Variants in RECK observed in about 807,000 individuals in gnomAD.
RECK encodes reversion inducing cysteine rich protein with kazal motifs.
Under a neutral mutation model 115.1 loss-of-function variants are expected in RECK, and 69 were observed. The ratio of observed to expected loss-of-function variants is 0.60; its 90% CI spans 0.49 to 0.73. RECK has a LOEUF of 0.73. Ranked by LOEUF, RECK falls within the 30% of genes least tolerant of loss-of-function variation. The pLI, the probability that RECK is intolerant of heterozygous loss-of-function variation, is 0.00. For missense variants in RECK, 1,047 were observed against 1,203.7 expected, an observed-to-expected ratio of 0.87 and a Z score of 1.93; for synonymous variants, 414 against 419.7, an observed-to-expected ratio of 0.99 and a Z score of 0.17.
At chr9:36,089,221 C>A (rs1481267416) in intron 9 of RECK, among the ~76,000 whole-genome samples, 1 of 152,080 alleles carries the variant, frequency 6.6e-6, no homozygotes, top group Non-Finnish European at 1.5e-5. Context: ...CTGAGTGTTT[C>A]TTTGAATGCC....
chr9:36,039,192 A>G (rs1428753836), intron 1 of RECK, among the ~76,000 whole-genome samples: 4 of 152,212 alleles, frequency 2.6e-5, no homozygotes, highest in Non-Finnish European at 5.9e-5. Flanking sequence ...AGTTTGATCT[A>G]AAAGTGAGAC....
chr9:36,043,181 C>T (rs7864892), intron 1 of RECK, among the ~76,000 whole-genome samples: 3,268 of 142,356 alleles, frequency 0.023, 141 homozygotes, highest in African/African-American at 0.08. Flanking sequence ...CCTGCCACCA[C>T]GCCTGGCTAA....
At chr9:36,105,730 A>G (rs1422084354) in intron 13 of RECK, among the ~76,000 whole-genome samples, 1 of 152,202 alleles carries the variant, frequency 6.6e-6, no homozygotes, top group African/African-American at 2.4e-5. Flanking sequence ...AATAGAATGT[A>G]TAGCTATCTC....
At chr9:36,042,371 TTGC>T (rs1057003849) in intron 1 of RECK, among the ~76,000 whole-genome samples, 1 of 152,112 alleles carries the variant, frequency 6.6e-6, no homozygotes, top group Non-Finnish European at 1.5e-5. Context: ...TTCATACAGG[TTGC>T]TGCAAATGCC....
chr9:36,112,213 C>T (rs1564135410), intron 15 of RECK, 92 bp from the exon 16 acceptor site: 1 of 1,165,396 alleles, frequency 8.6e-7, no homozygotes, highest in South Asian at 1.4e-5. Flanking sequence ...GTGAGACCTT[C>T]ACATGATTGC....
At chr9:36,116,582 C>T (rs1824277069) in intron 16 of RECK, among the ~76,000 whole-genome samples, 1 of 152,224 alleles carries the variant, frequency 6.6e-6, no homozygotes, top group Admixed American at 6.5e-5. Context: ...TCTGTCTGTG[C>T]CTGCTTGGCT....
intron 10 of RECK, among the ~76,000 whole-genome samples, chr9:36,099,606 A>T (rs1049559244): frequency 6.6e-6 from 1 of 151,896 alleles, no homozygotes; most frequent in African/African-American, 2.4e-5. Flanking sequence ...ACACCTCCTG[A>T]GTAGCTGGAA....
chr9:36,119,808 C>T (rs1458061281), intron 18 of RECK, among the ~76,000 whole-genome samples: 3 of 152,098 alleles, frequency 2.0e-5, no homozygotes, highest in Non-Finnish European at 4.4e-5. Flanking sequence ...GAAGGGGAAT[C>T]GGAGGGGCCC....
intron 1 of RECK, among the ~76,000 whole-genome samples, chr9:36,040,634 G>A (rs1820833666): frequency 1.3e-5 from 2 of 151,954 alleles, no homozygotes; most frequent in African/African-American, 4.8e-5. Flanking sequence ...AAAAATTATT[G>A]TAGTGGGGTA....
chr9:36,052,160 A>C (rs1184877463), intron 1 of RECK, 105 bp from the exon 2 acceptor site: 1 of 686,308 alleles, frequency 1.5e-6, no homozygotes, highest in African/African-American at 1.8e-5. Flanking sequence ...TAATAATAAT[A>C]ATAATCATCA....
rs369149597 is a variant in RECK, at chr9:36,091,360, T to C, written c.1085+17T>C. ...TAACAACAGGTAAGACAAATTATTA[T>C]ACATGGAATGGAAATATTTTATCAT... On this transcript the variant is annotated intron_variant, in intron 10 of 20. Transcript: ENST00000377966. The C allele has an allele frequency of 1.4e-5, 20 of 1,410,162 alleles. No individual in the cohort carries two copies. Among genetic ancestry groups the C allele is most frequent in the Non-Finnish European group, 1.9e-5 (20 of 1,062,560 alleles). The allele number at this position is 1,410,162 out of a possible 1,614,324, so 87.4% of individuals were successfully genotyped here. A position where few individuals can be genotyped will look rare whatever the true frequency, so the allele number is the denominator to read the frequency against.
At chr9:36,116,210 C>A (rs1258827308) in intron 16 of RECK, among the ~76,000 whole-genome samples, 2 of 149,982 alleles carry the variant, frequency 1.3e-5, no homozygotes, top group Non-Finnish European at 3.0e-5. Context: ...CTCACCGCAA[C>A]CTTCGCCTCC....
chr9:36,107,198 A>G (rs891418487), intron 13 of RECK, among the ~76,000 whole-genome samples: 3 of 152,138 alleles, frequency 2.0e-5, no homozygotes, highest in Non-Finnish European at 4.4e-5. Flanking sequence ...AGAAAATGGA[A>G]AATGGGTTTT....
chr9:36,085,605 T>A (rs1015963349), intron 8 of RECK: 2 of 151,648 alleles, frequency 1.3e-5, no homozygotes, highest in African/African-American at 4.9e-5. Context: ...CACACCCAGC[T>A]CCTCAGGAGG....
At position 36,110,217 on chromosome 9, in the gene RECK, T is replaced by C. The variant is rs147831655; in HGVS notation, c.1888+138T>C. The C allele has an allele frequency of 8.7e-6, 8 of 919,236 alleles. No homozygotes were observed. The East Asian group carries it at 2.2e-4, about 25-fold the overall frequency. 56.9% of individuals were successfully genotyped at this position (919,236 alleles called of 1,614,324 possible). On this transcript the variant is annotated intron_variant, in intron 15 of 20. Coordinates refer to ENST00000377966, the MANE Select transcript of RECK (RefSeq NM_021111.3). ...TACAGAATCTAAGGGCAAGATGCTT[T>C]TCCTCCCTGGATCTCAGTTTCTTCC...
chr9:36,063,665 G>T (rs1821872223), intron 4 of RECK, 130 bp from the exon 5 acceptor site: 3 of 695,862 alleles, frequency 4.3e-6, no homozygotes, highest in Non-Finnish European at 7.5e-6. Flanking sequence ...TAATTTTGAG[G>T]CCCTGCTGTC....
chr9:36,091,376 AT>A (rs778957417), intron 10 of RECK, 33 bp downstream of exon 10: 1 of 1,351,410 alleles, frequency 7.4e-7, no homozygotes, highest in Non-Finnish European at 9.9e-7. Context: ...GAATGGAAAT[AT>A]TTTATCATTA....
intron 1 of RECK, among the ~76,000 whole-genome samples, chr9:36,045,346 T>G (rs1821030328): frequency 6.6e-6 from 1 of 152,226 alleles, no homozygotes; most frequent in South Asian, 2.1e-4. Context: ...CAAGTTGTTT[T>G]GAAAATTAAA....
intron 8 of RECK, chr9:36,086,009 C>G (rs1588312097): frequency 6.6e-6 from 1 of 152,260 alleles, no homozygotes; most frequent in East Asian, 1.9e-4. Context: ...GAACAACCGT[C>G]TCCATCTTTG....
Sources: gnomAD v4.1 joint callset for allele counts (sites outside exome capture counted in the v4.1 genomes callset) on GRCh38, gnomAD v4.1.1 for gene constraint, MANE v1.5 for transcripts, NCBI Gene and HGNC (gene_info 2026-07-23, HGNC 2026-07-21) for gene names.